Variants in ACER3 observed in about 807,000 individuals in gnomAD.
ACER3 encodes alkCDase 3.
Under a neutral mutation model 48.9 loss-of-function variants are expected in ACER3, and 16 were observed. The ratio of observed to expected loss-of-function variants is 0.33; its 90% CI spans 0.22 to 0.50. The LOEUF (loss-of-function observed/expected upper bound fraction) is 0.50. Ranked by LOEUF, ACER3 falls within the 20% of genes least tolerant of loss-of-function variation. ACER3 has a pLI of 0.98. For missense variants in ACER3, 227 were observed against 326.0 expected (o/e 0.70, Z 2.34); for synonymous variants, 109 against 107.8 (o/e 1.01, Z -0.07).
chr11:76,994,161 T>C (rs1203381530), intron 6 of ACER3: 5 of 451,634 alleles, frequency 1.1e-5, no homozygotes, highest in African/African-American at 8.1e-5. Context: ...ATAAGGAGTC[T>C]CACTCTGTCA....
intron 1 of ACER3, among the ~76,000 whole-genome samples, chr11:76,861,545 C>A (rs1224604995): frequency 9.9e-5 from 15 of 152,116 alleles, no homozygotes; most frequent in Non-Finnish European, 5.9e-5. Flanking sequence ...AGAATTCTAC[C>A]GTCTTTCCCT....
intron 3 of ACER3, among the ~76,000 whole-genome samples, chr11:76,966,249 G>A (rs998393908): frequency 1.3e-5 from 2 of 151,642 alleles, no homozygotes; most frequent in Non-Finnish European, 2.9e-5. Context: ...AATTCAACAA[G>A]AAGAGCTAAC....
At chr11:76,938,387 C>T (rs1021434120) in intron 2 of ACER3, among the ~76,000 whole-genome samples, 4 of 152,108 alleles carry the variant, frequency 2.6e-5, no homozygotes, top group South Asian at 2.1e-4. Context: ...GGTACTATCA[C>T]GGCTTACTGC....
At chr11:77,009,719 G>A (rs1555021731) in intron 7 of ACER3, among the ~76,000 whole-genome samples, 1 of 152,154 alleles carries the variant, frequency 6.6e-6, no homozygotes, top group Non-Finnish European at 1.5e-5. Context: ...GCTGAGGCAG[G>A]AGGATTGATT....
intron 2 of ACER3, among the ~76,000 whole-genome samples, chr11:76,945,963 G>A (rs1453574070): frequency 6.6e-6 from 1 of 152,190 alleles, no homozygotes; most frequent in African/African-American, 2.4e-5. Flanking sequence ...TCGGCTGGTT[G>A]GTGGTTGCAG....
At chr11:76,898,571 T>G (rs1185949046) in intron 1 of ACER3, among the ~76,000 whole-genome samples, 6 of 152,162 alleles carry the variant, frequency 3.9e-5, no homozygotes, top group Non-Finnish European at 7.3e-5. Context: ...GTTTCTCATT[T>G]CAGATAATGG....
At chr11:76,970,276 G>A (rs769791492) in intron 3 of ACER3, among the ~76,000 whole-genome samples, 1 of 152,136 alleles carries the variant, frequency 6.6e-6, no homozygotes, top group Non-Finnish European at 1.5e-5. Flanking sequence ...GGAGAGCTTA[G>A]AACTTTATTT....
chr11:76,942,080 G>T (rs1034032649), intron 2 of ACER3, among the ~76,000 whole-genome samples: 1 of 152,076 alleles, frequency 6.6e-6, no homozygotes, highest in East Asian at 1.9e-4. Flanking sequence ...GAGTCTTTAG[G>T]ATTGTCTGGA....
intron 1 of ACER3, among the ~76,000 whole-genome samples, chr11:76,904,682 G>T (rs1041355914): frequency 1.3e-5 from 2 of 152,108 alleles, no homozygotes; most frequent in African/African-American, 4.8e-5. Context: ...ATTGGGACCC[G>T]GCTGGAGATG....
At chr11:76,888,113 A>G (rs1590884586) in intron 1 of ACER3, among the ~76,000 whole-genome samples, 1 of 152,190 alleles carries the variant, frequency 6.6e-6, no homozygotes, top group East Asian at 1.9e-4. Context: ...CTTGCTTATT[A>G]TTGCCCTCTG....
rs1425148203 is a variant in ACER3, at chr11:76,912,696, A to T, written c.104-13861A>T. Reference sequence around the variant, plus strand: ...AGGCAGCGCAGTCGTCAGAAAAAAAATTTTTTCTCTTGTGTTTATATAATA... The same window carrying T: ...AGGCAGCGCAGTCGTCAGAAAAAAATTTTTTTCTCTTGTGTTTATATAATA... On this transcript the variant is annotated intron_variant, in intron 1 of 10. Transcript: ENST00000532485. Among the ~76,000 whole-genome samples the T allele has an allele frequency of 6.1e-5, 8 of 132,182 alleles. No homozygotes were observed. The South Asian group carries it at 1.5e-3, about 25-fold the overall frequency. 86.7% of individuals were successfully genotyped at this position (132,182 alleles called of 152,430 possible). A position where few individuals can be genotyped will look rare whatever the true frequency, so the allele number is the denominator to read the frequency against.
intron 1 of ACER3, among the ~76,000 whole-genome samples, chr11:76,926,270 C>G (rs1205783489): frequency 2.0e-5 from 3 of 152,182 alleles, no homozygotes; most frequent in Non-Finnish European, 4.4e-5. Context: ...CTCTGAGGTT[C>G]TTCCGGAGAT....
intron 6 of ACER3, among the ~76,000 whole-genome samples, chr11:76,994,787 A>G (rs1184539272): frequency 3.3e-5 from 5 of 152,184 alleles, no homozygotes; most frequent in African/African-American, 1.2e-4. Flanking sequence ...AATATTTGGT[A>G]TGGCTGGCCC....
intron 1 of ACER3, among the ~76,000 whole-genome samples, chr11:76,870,502 C>T (rs568308756): frequency 6.6e-6 from 1 of 152,202 alleles, no homozygotes; most frequent in Non-Finnish European, 1.5e-5. Flanking sequence ...GTGAATAATG[C>T]TCCTGTGAAC....
intron 1 of ACER3, among the ~76,000 whole-genome samples, chr11:76,895,529 A>G (rs1262873829): frequency 6.6e-6 from 1 of 152,186 alleles, no homozygotes; most frequent in Non-Finnish European, 1.5e-5. Flanking sequence ...TTAACCTACA[A>G]TCAGGACACT....
chr11:77,024,118 A>G lies in ACER3; in HGVS notation c.*3791A>G, dbSNP rs1180059575. On this transcript the variant is annotated 3_prime_UTR_variant, in exon 11 of 11. Transcript: ENST00000532485. ...AAAAAAAAAGACTAAAATTTGATTT[A>G]AAGTAGTTAAACCCCTTTATGGAAG... is the stretch of plus-strand genomic sequence containing the variant. 25 of 146,504 alleles carry G rather than the reference A, an allele frequency of 1.7e-4. No homozygotes were observed. Among genetic ancestry groups the G allele is most frequent in the African/African-American group, 6.2e-4 (25 of 40,048 alleles). 9.1% of individuals were successfully genotyped at this position (146,504 alleles called of 1,614,324 possible).
intron 1 of ACER3, among the ~76,000 whole-genome samples, chr11:76,870,309 A>G (rs1160782631): frequency 3.0e-5 from 4 of 134,090 alleles, no homozygotes; most frequent in African/African-American, 1.1e-4. Flanking sequence ...TATTTTTTTT[A>G]TTTTTGTAGA....
Position 76,950,998 on chromosome 11 carries a change from C to T in ACER3, c.215-7981C>T, listed in dbSNP as rs1420352305. On this transcript the variant is annotated intron_variant, in intron 2 of 10. Coordinates refer to ENST00000532485, the MANE Select transcript of ACER3 (RefSeq NM_018367.7). ...ATGTGCCTTATACTTGCACTTCTGC[C>T]TTTTGAATTATTTTATTTGGTTCCT... 3.3e-5 allele frequency among the ~76,000 whole-genome samples: 5 copies of T among 152,168 alleles called. No individual in the cohort carries two copies. In the South Asian group the frequency reaches 6.2e-4, roughly 19 times the overall value.
Position 76,917,484 on chromosome 11 carries a change from TGGGA to T in ACER3, c.104-9070_104-9067del, listed in dbSNP as rs920954535. On this transcript the variant is annotated intron_variant, in intron 1 of 10. Transcript: ENST00000532485. ...ATCCCAGCACTTTGGGGGGCTGAGG[TGGGA>T]GGATCATTTCAGCTTAGGGGTTCGA... 5.9e-5 allele frequency among the ~76,000 whole-genome samples: 9 copies of T among 151,800 alleles called. No homozygotes were observed. The South Asian group carries it at 6.2e-4, about 11-fold the overall frequency.
Sources: allele counts gnomAD v4.1 joint callset (sites outside exome capture counted in the v4.1 genomes callset), GRCh38; gene constraint gnomAD v4.1.1; transcripts MANE v1.5; gene names NCBI Gene and HGNC (gene_info 2026-07-23, HGNC 2026-07-21).